The following PRKCA variants were observed in gnomAD, a reference collection of about 807,000 sequenced individuals.
PRKCA encodes the protein protein kinase C alpha, also known as protein kinase C alpha type.
A neutral mutation model predicts 87.0 loss-of-function variants in PRKCA; 27 were observed. The ratio of observed to expected loss-of-function variants is 0.31; its 90% confidence interval spans 0.23 to 0.43. The LOEUF is 0.43. PRKCA is among the 20% of genes least tolerant of loss of function. The probability of loss-of-function intolerance (pLI) is 1.00; values close to 1 mark genes in which losing one functional copy is unlikely to be tolerated. For synonymous variants in PRKCA, 329 were observed against 311.1 expected, an observed-to-expected ratio of 1.06 and a Z score of -0.61; for missense variants, 518 against 852.3, an observed-to-expected ratio of 0.61 and a Z score of 4.88.
intron 2 of PRKCA, among the ~76,000 whole-genome samples, chr17:66,354,614 C>T (rs901494062): frequency 3.3e-5 from 5 of 152,124 alleles, no homozygotes; most frequent in Non-Finnish European, 1.5e-5. Flanking sequence ...GACATTGGCT[C>T]ACAGAAAACA....
chr17:66,494,218 A>G lies in PRKCA; in HGVS notation c.206-1983A>G, dbSNP rs181026605. On this transcript the variant is annotated intron_variant, in intron 2 of 16. Coordinates refer to ENST00000413366, the MANE Select transcript of PRKCA (RefSeq NM_002737.3). ...CATTGGTGAGAGGAGAAAATAGCGT[A>G]TGAGCCACACATTTGGGAAACTCTA... Among the ~76,000 whole-genome samples the G allele has an allele frequency of 5.2e-3, 787 of 152,312 alleles. 4 individuals carry two copies. Among genetic ancestry groups the G allele is most frequent in the Non-Finnish European group, 9.0e-3 (612 of 68,026 alleles).
At chr17:66,723,644 A>G (rs1382048395) in intron 8 of PRKCA, among the ~76,000 whole-genome samples, 3 of 151,914 alleles carry the variant, frequency 2.0e-5, no homozygotes, top group African/African-American at 7.2e-5. Context: ...CAAAAAAAAA[A>G]AAAGGAAGAT....
intron 2 of PRKCA, among the ~76,000 whole-genome samples, chr17:66,389,058 G>A (rs1241533147): frequency 6.6e-6 from 1 of 152,290 alleles, no homozygotes; most frequent in African/African-American, 2.4e-5. Context: ...TCGTGATTCT[G>A]TTTAAGAAAC....
intron 2 of PRKCA, among the ~76,000 whole-genome samples, chr17:66,321,552 A>T (rs1262380160): frequency 1.3e-5 from 2 of 152,054 alleles, no homozygotes; most frequent in Non-Finnish European, 2.9e-5. Flanking sequence ...CTCACTTTTT[A>T]AAAATTTTTT....
Position 66,611,398 on chromosome 17 carries a change from A to G in PRKCA, c.289-29957A>G, listed in dbSNP as rs1233915399. Among the ~76,000 whole-genome samples, 3 of 152,150 alleles carry G rather than the reference A, an allele frequency of 2.0e-5. No homozygotes were observed. The South Asian group carries it at 6.2e-4, about 32-fold the overall frequency. On this transcript the variant is annotated intron_variant, in intron 3 of 16. Transcript: ENST00000413366. ...AACCACTAATCTACTTTTTGTCTCTATGGATTTGTCTATTCTGGACACTTC... is the reference window on the plus strand; with the variant it reads ...AACCACTAATCTACTTTTTGTCTCTGTGGATTTGTCTATTCTGGACACTTC...
chr17:66,588,635 C>CTTTTTTTTTT (rs397856363), intron 3 of PRKCA, among the ~76,000 whole-genome samples: 6 of 39,108 alleles, frequency 1.5e-4, no homozygotes, highest in East Asian at 6.6e-4. Context: ...TTTTGCTTTG[C>CTTTTTTTTTT]TTTTTTTTTT....
intron 5 of PRKCA, among the ~76,000 whole-genome samples, chr17:66,673,622 G>A (rs1387960600): frequency 1.3e-5 from 2 of 152,130 alleles, no homozygotes; most frequent in African/African-American, 4.8e-5. Context: ...AAACACAGAC[G>A]GTGTCAGCAG....
At chr17:66,706,692 A>T (rs2144112050) in intron 8 of PRKCA, among the ~76,000 whole-genome samples, 1 of 152,036 alleles carries the variant, frequency 6.6e-6, no homozygotes, top group South Asian at 2.1e-4. Context: ...AAAAAGAAGG[A>T]TATTTGCGAG....
chr17:66,659,665 C>G (rs191170077), intron 5 of PRKCA, among the ~76,000 whole-genome samples: 1 of 151,958 alleles, frequency 6.6e-6, no homozygotes, highest in East Asian at 1.9e-4. Flanking sequence ...GGGAGGATTA[C>G]CTGAGCCCAG....
At chr17:66,475,591 C>T (rs182571873) in intron 2 of PRKCA, among the ~76,000 whole-genome samples, 13 of 152,264 alleles carry the variant, frequency 8.5e-5, no homozygotes, top group Admixed American at 3.9e-4. Context: ...TGTGTGAGTT[C>T]GGCATCGAGG....
intron 3 of PRKCA, among the ~76,000 whole-genome samples, chr17:66,523,451 A>T (rs1310864428): frequency 6.6e-6 from 1 of 152,234 alleles, no homozygotes; most frequent in Non-Finnish European, 1.5e-5. Flanking sequence ...CTGTGGGCAG[A>T]AGACAAACAA....
rs191443265 is a variant in PRKCA, at chr17:66,435,707, C to T, written c.206-60494C>T. On this transcript the variant is annotated intron_variant, in intron 2 of 16. Transcript: ENST00000413366. ...TGTTTAAAACAATGCGCATGAAGTG[C>T]GAAGTCTATGGGGCGGTTCTGATGA... Among the ~76,000 whole-genome samples, 63 of 152,076 alleles carry T rather than the reference C, an allele frequency of 4.1e-4. 1 individual carries two copies. Among genetic ancestry groups the T allele is most frequent in the African/African-American group, 1.4e-3 (56 of 41,476 alleles).
At chr17:66,765,540 T>TTA (rs1225187321) in intron 13 of PRKCA, among the ~76,000 whole-genome samples, 21 of 145,286 alleles carry the variant, frequency 1.4e-4, no homozygotes, top group African/African-American at 3.3e-4. Flanking sequence ...ATATATGTCT[T>TTA]TATATATATA....
chr17:66,585,434 C>CT (rs1441289999), intron 3 of PRKCA, among the ~76,000 whole-genome samples: 1 of 152,204 alleles, frequency 6.6e-6, no homozygotes, highest in Non-Finnish European at 1.5e-5. Flanking sequence ...CTGGGGGCTG[C>CT]TTTTTGTTAA....
chr17:66,698,061 A>G (rs1214355138), intron 8 of PRKCA, among the ~76,000 whole-genome samples: 1 of 152,222 alleles, frequency 6.6e-6, no homozygotes, highest in Non-Finnish European at 1.5e-5. Context: ...GGATTAAGAA[A>G]GTCTCATTAT....
chr17:66,743,057 G>A lies in PRKCA; in HGVS notation c.1524+297G>A, dbSNP rs566314039. Among the ~76,000 whole-genome samples, 120 of 152,192 alleles carry A rather than the reference G, an allele frequency of 7.9e-4. 1 individual carries two copies. Among genetic ancestry groups the A allele is most frequent in the African/African-American group, 2.7e-3 (113 of 41,436 alleles). On this transcript the variant is annotated intron_variant, in intron 13 of 16. Transcript: ENST00000413366. ...ATTTAAGAAACACTGTTGGCTGGGCGCGGTGGCTCACGCCTGTAATCCCAG... is the reference window on the plus strand; with the variant it reads ...ATTTAAGAAACACTGTTGGCTGGGCACGGTGGCTCACGCCTGTAATCCCAG...
At chr17:66,728,121 A>C (rs1973800150) in intron 8 of PRKCA, among the ~76,000 whole-genome samples, 1 of 152,232 alleles carries the variant, frequency 6.6e-6, no homozygotes, top group Non-Finnish European at 1.5e-5. Context: ...CAAGGCCTGC[A>C]GGTGGCAGCG....
chr17:66,748,140 A>G (rs949212681), intron 13 of PRKCA, among the ~76,000 whole-genome samples: 3 of 152,224 alleles, frequency 2.0e-5, no homozygotes, highest in Non-Finnish European at 2.9e-5. Context: ...CCAGCTGCCT[A>G]TCAGCAGATG....
chr17:66,731,325 G>A (rs1246886864), intron 8 of PRKCA, among the ~76,000 whole-genome samples: 1 of 141,244 alleles, frequency 7.1e-6, no homozygotes, highest in Non-Finnish European at 1.5e-5. Context: ...CTTCAGCCTG[G>A]GCAACAAGAG....
Sources: allele counts gnomAD v4.1 joint callset (sites outside exome capture counted in the v4.1 genomes callset), GRCh38; gene constraint gnomAD v4.1.1; transcripts MANE v1.5; gene names NCBI Gene and HGNC (gene_info 2026-07-23, HGNC 2026-07-21).